TRAPPC9: variants seen among roughly 807,000 people sequenced by gnomAD.
The protein encoded by TRAPPC9 is trafficking protein particle complex subunit 9, also known as IKK2 binding protein.
TRAPPC9 carries 83 observed loss-of-function variants against 124.0 expected under a neutral mutation model. The observed-to-expected ratio is 0.67, with a 90% CI of 0.56 to 0.80. TRAPPC9 has a LOEUF of 0.80. Ranked by LOEUF, TRAPPC9 falls within the 30% of genes least tolerant of loss-of-function variation. The pLI, the probability that TRAPPC9 is intolerant of heterozygous loss-of-function variation, is 0.00. For missense variants in TRAPPC9, 1,302 were observed against 1,508.3 expected, an observed-to-expected ratio of 0.86 and a Z score of 2.27; for synonymous variants, 638 against 617.5, an observed-to-expected ratio of 1.03 and a Z score of -0.49.
intron 21 of TRAPPC9, among the ~76,000 whole-genome samples, chr8:139,852,458 A>G (rs1032562665): frequency 6.6e-6 from 1 of 152,140 alleles, no homozygotes; most frequent in Non-Finnish European, 1.5e-5. Flanking sequence ...CCAGATACAC[A>G]GTGCGTGCTC....
chr8:140,001,756 A>G (rs1355560997), intron 18 of TRAPPC9, among the ~76,000 whole-genome samples: 1 of 152,244 alleles, frequency 6.6e-6, no homozygotes, highest in Non-Finnish European at 1.5e-5. Flanking sequence ...TCCATCCAAG[A>G]AAGCACTTAT....
chr8:139,822,491 T>C (rs567855509), intron 21 of TRAPPC9, among the ~76,000 whole-genome samples: 116 of 152,190 alleles, frequency 7.6e-4, no homozygotes, highest in African/African-American at 2.6e-3. Context: ...ACACTGGCAA[T>C]CCGGGCCTGT....
intron 15 of TRAPPC9, among the ~76,000 whole-genome samples, chr8:140,267,232 G>C (rs569704419): frequency 1.3e-5 from 2 of 152,218 alleles, no homozygotes; most frequent in Non-Finnish European, 2.9e-5. Flanking sequence ...AGGGATGGAA[G>C]GAAAAGGAAA....
chr8:140,426,916 C>T (rs1303382593), intron 4 of TRAPPC9, among the ~76,000 whole-genome samples: 3 of 151,674 alleles, frequency 2.0e-5, no homozygotes, highest in African/African-American at 7.3e-5. Context: ...TGTTCATGCT[C>T]CCAGTTCTTT....
intron 17 of TRAPPC9, among the ~76,000 whole-genome samples, chr8:140,200,878 A>G (rs1196265138): frequency 6.6e-6 from 1 of 152,244 alleles, no homozygotes. Context: ...AGTAATGTAC[A>G]ACACTGACAA....
At chr8:140,051,744 C>T (rs73725378) in intron 17 of TRAPPC9, among the ~76,000 whole-genome samples, 12,826 of 152,116 alleles carry the variant, frequency 0.084, 657 homozygotes, top group Middle Eastern at 0.13. Context: ...GCTGCTCCCC[C>T]ACGTAGGACA....
chr8:139,750,734 G>C (rs1209523629), intron 21 of TRAPPC9, among the ~76,000 whole-genome samples: 1 of 152,164 alleles, frequency 6.6e-6, no homozygotes, highest in African/African-American at 2.4e-5. Flanking sequence ...CCTGGGATGA[G>C]TCCCGTGGGA....
intron 21 of TRAPPC9, among the ~76,000 whole-genome samples, chr8:139,799,916 G>T (rs931409306): frequency 5.3e-5 from 8 of 152,232 alleles, no homozygotes; most frequent in Non-Finnish European, 1.2e-4. Context: ...GGAAAGACAG[G>T]CAAGGAAACT....
chr8:140,381,089 C>A (rs2132291141), intron 7 of TRAPPC9, among the ~76,000 whole-genome samples: 1 of 151,744 alleles, frequency 6.6e-6, no homozygotes, highest in East Asian at 1.9e-4. Flanking sequence ...CCTGTAATCC[C>A]AGCTACTTGG....
intron 20 of TRAPPC9, among the ~76,000 whole-genome samples, chr8:139,898,652 C>T (rs530942380): frequency 4.0e-4 from 61 of 152,250 alleles, no homozygotes; most frequent in African/African-American, 1.4e-3. Context: ...GAGCCACATT[C>T]GAGCTTCATA....
At chr8:140,360,244 A>G (rs780343088) in intron 8 of TRAPPC9, 51 bp from the exon 9 acceptor site, 2 of 1,611,362 alleles carry the variant, frequency 1.2e-6, no homozygotes, top group Admixed American at 3.4e-5. Context: ...AGGGTACAGG[A>G]AATACGGTTA....
chr8:140,409,667 C>T lies in TRAPPC9; in HGVS notation c.887-3969G>A, dbSNP rs558655797. The stretch of plus-strand genomic sequence containing the variant: ...TCCATAAGCTGATATGGACTGATCT[C>T]CAGGATACATTAGCAACCAAAATAG... On this transcript the variant is annotated intron_variant, in intron 5 of 22. Transcript: ENST00000438773. Among the ~76,000 whole-genome samples the T allele has an allele frequency of 3.3e-5, 5 of 152,180 alleles. No individual in the cohort carries two copies. The East Asian group carries it at 9.7e-4, about 29-fold the overall frequency.
At chr8:139,764,223 G>C (rs145269294) in intron 21 of TRAPPC9, among the ~76,000 whole-genome samples, 1 of 152,304 alleles carries the variant, frequency 6.6e-6, no homozygotes, top group East Asian at 1.9e-4. Context: ...AGAGCTAGGG[G>C]AGAAGGAGAG....
chr8:139,898,241 C>T (rs1052249320), intron 20 of TRAPPC9, among the ~76,000 whole-genome samples: 5 of 152,218 alleles, frequency 3.3e-5, no homozygotes, highest in Admixed American at 2.0e-4. Flanking sequence ...CTCTGGGCCC[C>T]GTGCCTCACT....
At chr8:140,396,536 C>A (rs931930100) in intron 7 of TRAPPC9, among the ~76,000 whole-genome samples, 1 of 151,296 alleles carries the variant, frequency 6.6e-6, no homozygotes, top group Non-Finnish European at 1.5e-5. Context: ...TCCTCCCTAC[C>A]CCTCTCTTCC....
At chr8:140,411,141 T>TGTTA (rs946885967) in intron 5 of TRAPPC9, among the ~76,000 whole-genome samples, 4 of 152,172 alleles carry the variant, frequency 2.6e-5, no homozygotes, top group African/African-American at 4.8e-5. Flanking sequence ...GTACGGGTTT[T>TGTTA]GTTAGTTAGT....
intron 9 of TRAPPC9, among the ~76,000 whole-genome samples, chr8:140,343,806 A>G (rs996801134): frequency 6.6e-6 from 1 of 152,136 alleles, no homozygotes; most frequent in African/African-American, 2.4e-5. Flanking sequence ...CTGGCATTGT[A>G]AATTCTGAAG....
chr8:140,005,003 G>C, intron 18 of TRAPPC9, among the ~76,000 whole-genome samples: 1 of 152,278 alleles, frequency 6.6e-6, no homozygotes, highest in South Asian at 2.1e-4. Flanking sequence ...TATGAGACTG[G>C]AGAGCTTTTT....
chr8:140,049,552 C>T (rs4631439), intron 17 of TRAPPC9, among the ~76,000 whole-genome samples: 84,155 of 151,318 alleles, frequency 0.56, 24,026 homozygotes, highest in Middle Eastern at 0.68. Context: ...GGCTCCCCCC[C>T]CCGAGACCAC....
Sources: allele counts gnomAD v4.1 joint callset (sites outside exome capture counted in the v4.1 genomes callset), GRCh38; gene constraint gnomAD v4.1.1; transcripts MANE v1.5; gene names NCBI Gene and HGNC (gene_info 2026-07-23, HGNC 2026-07-21).